CNOT2: variants seen among roughly 807,000 people sequenced by gnomAD.
The protein encoded by CNOT2 is CCR4-NOT transcription complex subunit 2.
In CNOT2, 7 loss-of-function variants were observed where a neutral mutation model predicts 72.1. The ratio of observed to expected loss-of-function variants is 0.10; its 90% confidence interval spans 0.06 to 0.18. The LOEUF is 0.18. Among genes scored for constraint, CNOT2 ranks in the 10% least tolerant of loss-of-function variants. The pLI, the probability that CNOT2 is intolerant of heterozygous loss-of-function variation, is 1.00. For synonymous variants in CNOT2, 196 were observed against 225.6 expected (o/e 0.87, Z 1.17); for missense variants, 345 against 660.3 (o/e 0.52, Z 5.23).
chr12:70,283,467 T>TGATAGATA (rs3049214), intron 2 of CNOT2, among the ~76,000 whole-genome samples: 48,242 of 142,286 alleles, frequency 0.34, 8,536 homozygotes, highest in East Asian at 0.54. Context: ...GTCAGTCGAT[T>TGATAGATA]GATAGATAGA....
intron 15 of CNOT2, among the ~76,000 whole-genome samples, chr12:70,348,734 A>G (rs1882511475): frequency 6.6e-6 from 1 of 152,132 alleles, no homozygotes; most frequent in African/African-American, 2.4e-5. Context: ...AAATATTTAG[A>G]AAACAATGTT....
chr12:70,296,468 T>C (rs951857969), intron 2 of CNOT2, among the ~76,000 whole-genome samples: 1 of 152,284 alleles, frequency 6.6e-6, no homozygotes, highest in East Asian at 1.9e-4. Flanking sequence ...GTTGCTCTTA[T>C]TTGTTTCCAT....
At chr12:70,246,520 T>C (rs1957880878) in intron 1 of CNOT2, among the ~76,000 whole-genome samples, 1 of 152,194 alleles carries the variant, frequency 6.6e-6, no homozygotes, top group African/African-American at 2.4e-5. Context: ...TCAAGAGATC[T>C]AGTGCTATGG....
intron 10 of CNOT2, 23 bp downstream of exon 10, chr12:70,338,586 C>T (rs997771795): frequency 1.2e-6 from 2 of 1,601,194 alleles, no homozygotes; most frequent in Non-Finnish European, 1.7e-6. Flanking sequence ...AAATCTATGT[C>T]AAAGATATTA....
At chr12:70,244,839 C>CTAA (rs1479783476) in intron 1 of CNOT2, among the ~76,000 whole-genome samples, 1 of 152,140 alleles carries the variant, frequency 6.6e-6, no homozygotes, top group Non-Finnish European at 1.5e-5. Context: ...CAAAGTTGAA[C>CTAA]ATATTTAGTG....
In CNOT2 at chr12:70,301,486, T is replaced by A. The variant is rs1016209693; in HGVS notation, c.49-9409T>A. 2.2e-3 allele frequency among the ~76,000 whole-genome samples: 33 copies of A among 14,874 alleles called. No individual in the cohort carries two copies. The East Asian group carries it at 0.27, about 121-fold the overall frequency. The allele number at this position is 14,874 out of a possible 152,430, so 9.8% of individuals were successfully genotyped here. On this transcript the variant is annotated intron_variant, in intron 2 of 15. Transcript: ENST00000229195. ...TGCATCTATTGAGATAATCATGCCGTTTTTTTTCTTTGGTTCTGTTTATAT... is the reference window on the plus strand; with the variant it reads ...TGCATCTATTGAGATAATCATGCCGATTTTTTTCTTTGGTTCTGTTTATAT...
At chr12:70,326,093 C>T (rs182693636) in intron 4 of CNOT2, among the ~76,000 whole-genome samples, 70 of 151,728 alleles carry the variant, frequency 4.6e-4, no homozygotes, top group Admixed American at 7.9e-4. Flanking sequence ...TGACTAACAC[C>T]CTGCCAGATA....
intron 13 of CNOT2, 101 bp from the exon 14 acceptor site, chr12:70,344,027 G>A: frequency 1.5e-6 from 1 of 663,446 alleles, no homozygotes; most frequent in African/African-American, 1.8e-5. Context: ...AAAGTGGGGA[G>A]TTTCTGTTTA....
chr12:70,257,237 A>ACAGGTATAATATACTTAACT (rs1265263784), intron 1 of CNOT2, among the ~76,000 whole-genome samples: 2 of 152,214 alleles, frequency 1.3e-5, no homozygotes, highest in Non-Finnish European at 2.9e-5. Flanking sequence ...CTCTGTAAGA[A>ACAGGTATAATATACTTAACT]CAGGTATAAT....
intron 13 of CNOT2, 78 bp downstream of exon 13, chr12:70,342,385 C>T (rs1593279664): frequency 1.4e-5 from 21 of 1,522,774 alleles, no homozygotes. Flanking sequence ...AGGCAGCATA[C>T]TATTTTTGAA....
At chr12:70,267,694 A>T (rs1016943721) in intron 1 of CNOT2, among the ~76,000 whole-genome samples, 1 of 152,226 alleles carries the variant, frequency 6.6e-6, no homozygotes, top group African/African-American at 2.4e-5. Context: ...TTACATTTGT[A>T]TACTTCAGAT....
chr12:70,286,441 T>TA lies in CNOT2; in HGVS notation c.48+8168dup, dbSNP rs1870908127. Among the ~76,000 whole-genome samples the TA allele has an allele frequency of 1.3e-5, 2 of 150,058 alleles. 1 individual carries two copies. The highest frequency in any genetic ancestry group is 1.4e-4 in the Admixed American group (2 of 14,690). On this transcript the variant is annotated intron_variant, in intron 2 of 15. Transcript: ENST00000229195. ...TGAAATTGATTTTTGTACATGGTGT[T>TA]AGAAGTACAGTTTCCTTTCCCCTGC...
intron 11 of CNOT2, among the ~76,000 whole-genome samples, chr12:70,339,091 T>TAC (rs1555205817): frequency 0.18 from 25,308 of 137,980 alleles, 2,728 homozygotes; most frequent in African/African-American, 0.29. Flanking sequence ...TATATATATA[T>TAC]ACACACACAC....
intron 4 of CNOT2, among the ~76,000 whole-genome samples, chr12:70,325,920 A>T (rs1879002469): frequency 6.6e-6 from 1 of 151,866 alleles, no homozygotes; most frequent in South Asian, 2.1e-4. Context: ...ATGTAACTTA[A>T]TATTTTTTAT....
chr12:70,261,992 T>C (rs1244633471), intron 1 of CNOT2, among the ~76,000 whole-genome samples: 1 of 152,150 alleles, frequency 6.6e-6, no homozygotes, highest in African/African-American at 2.4e-5. Flanking sequence ...AATTTGTTAG[T>C]ATTCAGTTCA....
intron 8 of CNOT2, chr12:70,335,885 C>T (rs1361628941): frequency 5.6e-6 from 1 of 178,208 alleles, no homozygotes; most frequent in Non-Finnish European, 1.2e-5. Flanking sequence ...CCTTTTCTCT[C>T]CTTAATTGAT....
At chr12:70,304,832 C>A (rs1355144516) in intron 2 of CNOT2, among the ~76,000 whole-genome samples, 2 of 152,228 alleles carry the variant, frequency 1.3e-5, no homozygotes, top group Non-Finnish European at 2.9e-5. Context: ...CCAGTTCGAG[C>A]TTCCTGGCTG....
chr12:70,354,167 C>CT lies in CNOT2; in HGVS notation c.*258dup. 1 of 575,242 alleles carries CT rather than the reference C, an allele frequency of 1.7e-6. No homozygotes were observed. The highest frequency in any genetic ancestry group is 3.6e-5 in the East Asian group (1 of 27,696). The allele number at this position is 575,242 out of a possible 1,614,324, so 35.6% of individuals were successfully genotyped here. On this transcript the variant is annotated 3_prime_UTR_variant, in exon 16 of 16. Coordinates refer to ENST00000229195, the MANE Select transcript of CNOT2 (RefSeq NM_014515.7). ...GGGTCTGAATTTTTTCATTTATTTC[C>CT]TTTTTTGCCAGCAGACAGACTTGAG...
At chr12:70,313,914 G>GT (rs745446531) in intron 3 of CNOT2, among the ~76,000 whole-genome samples, 2 of 151,998 alleles carry the variant, frequency 1.3e-5, no homozygotes, top group Non-Finnish European at 2.9e-5. Context: ...CTAAGATCTT[G>GT]TTCTGTTTAC....
Sources: allele counts gnomAD v4.1 joint callset (sites outside exome capture counted in the v4.1 genomes callset), GRCh38; gene constraint gnomAD v4.1.1; transcripts MANE v1.5; gene names NCBI Gene and HGNC (gene_info 2026-07-23, HGNC 2026-07-21).